The following TTC39A variants were observed in gnomAD, a reference collection of about 807,000 sequenced individuals.
TTC39A encodes tetratricopeptide repeat domain 39A.
A neutral mutation model predicts 82.3 loss-of-function variants in TTC39A; 46 were observed. That is an observed-to-expected ratio of 0.56 (90% CI 0.44 to 0.71). The LOEUF (loss-of-function observed/expected upper bound fraction) is 0.71. TTC39A is among the 30% of genes least tolerant of loss of function. The probability of loss-of-function intolerance (pLI) is 0.00; values close to 1 mark genes in which losing one functional copy is unlikely to be tolerated. For synonymous variants in TTC39A, 254 were observed against 275.2 expected (o/e 0.92, Z 0.76); for missense variants, 543 against 712.9 (o/e 0.76, Z 2.71).
intron 1 of TTC39A, among the ~76,000 whole-genome samples, chr1:51,327,380 G>T (rs914725424): frequency 6.6e-6 from 1 of 152,206 alleles, no homozygotes; most frequent in Non-Finnish European, 1.5e-5. Flanking sequence ...TTGCAAAAAT[G>T]ATTGTGACTC....
chr1:51,289,412 A>C (rs1391226285), intron 16 of TTC39A, among the ~76,000 whole-genome samples: 4 of 151,774 alleles, frequency 2.6e-5, no homozygotes, highest in African/African-American at 4.8e-5. Flanking sequence ...TTTTCTCTCT[A>C]TGACTTCACC....
rs750395924 is a variant in TTC39A at position 51,306,072 on chromosome 1, G to C, written c.493C>G (p.Leu165Val). 3.7e-6 allele frequency: 6 copies of C among 1,613,766 alleles called. No individual in the cohort carries two copies. The South Asian group carries it at 6.6e-5, about 18-fold the overall frequency. Reference sequence around the variant, plus strand: ...TGTGAGGACTGAACAAGGCTGTCCAGCTCCCTGCAGAGAGATGCCAAGTCC... The same window carrying C: ...TGTGAGGACTGAACAAGGCTGTCCACCTCCCTGCAGAGAGATGCCAAGTCC... The part of the protein sequence containing the change: ...VRNSYQTYKE[L>V]DSLVQSSQYC... Residue 165 changes from leucine to valine, a missense_variant, in exon 7 of 18, where the codon CTG (leucine) becomes GTG (valine). By Grantham distance (32) the Leu-to-Val change is conservative. Coordinates refer to ENST00000680483, the MANE Select transcript of TTC39A (RefSeq NM_001297663.2).
chr1:51,331,653 G>A, upstream of TTC39A: 9 of 985,314 alleles, frequency 9.1e-6, no homozygotes, highest in Non-Finnish European at 1.1e-5. Context: ...AGGCTGCCTG[G>A]AAAGGCAGTG....
chr1:51,303,243 G>C lies in TTC39A; in HGVS notation c.655-51C>G, dbSNP rs965975552. ...GCTCCCAGAGAGGGCAGGGGCCTGG[G>C]AGGCAGCTGGACAGCTGTGTGGGCA... On this transcript the variant is annotated intron_variant, in intron 8 of 17. Coordinates refer to ENST00000680483, the MANE Select transcript of TTC39A (RefSeq NM_001297663.2). The C allele has an allele frequency of 2.3e-5, 34 of 1,483,250 alleles. No homozygotes were observed. The South Asian group carries it at 4.0e-4, about 17-fold the overall frequency. The allele number at this position is 1,483,250 out of a possible 1,614,324, so 91.9% of individuals were successfully genotyped here. A position where few individuals can be genotyped will look rare whatever the true frequency, so the allele number is the denominator to read the frequency against.
intron 1 of TTC39A, among the ~76,000 whole-genome samples, chr1:51,344,167 G>A (rs1490828347): frequency 1.3e-5 from 2 of 152,204 alleles, no homozygotes; most frequent in Admixed American, 6.5e-5. Context: ...CGGGGACACC[G>A]GAGGAGGAAC....
At chr1:51,331,541 G>A, upstream of TTC39A, 1 of 985,434 alleles carries the variant, frequency 1.0e-6, no homozygotes, top group Non-Finnish European at 1.2e-6. Context: ...GGAAGCAGAA[G>A]GGGACAGCCT....
chr1:51,330,455 G>A lies in TTC39A; in HGVS notation c.23C>T (p.Pro8Leu). Residue 8 changes from proline to leucine, a missense_variant, in exon 1 of 18, where the codon CCA becomes CTA. By Grantham distance (98) the Pro-to-Leu change is moderately conservative. Transcript: ENST00000680483. This position sits in a 1 kb window ranked among gnomAD's most constrained non-coding sequence, Gnocchi z 4.5. The part of the protein sequence containing the change: MTSAGGA[P>L]GALPAGTPES... ...CACTTACCCCGCGGGCAGGGCTCCT[G>A]GGGCGCCGCCAGCCGAGGTCATCGC... 1 of 983,482 alleles carries A rather than the reference G, an allele frequency of 1.0e-6. No homozygotes were observed. Among genetic ancestry groups the A allele is most frequent in the Non-Finnish European group, 1.2e-6 (1 of 830,070 alleles). The allele number at this position is 983,482 out of a possible 1,614,324, so 60.9% of individuals were successfully genotyped here. A position where few individuals can be genotyped will look rare whatever the true frequency, so the allele number is the denominator to read the frequency against.
Position 51,330,410 on chromosome 1 carries a change from C to T in TTC39A, c.41+27G>A. 1.0e-6 allele frequency: 1 copy of T among 981,250 alleles called. No individual in the cohort carries two copies. 60.8% of individuals were successfully genotyped at this position (981,250 alleles called of 1,614,324 possible). On this transcript the variant is annotated intron_variant, in intron 1 of 17. Transcript: ENST00000680483. The surrounding 1 kb of genome is among the most constrained non-coding windows in gnomAD (Gnocchi z 4.5). Reference sequence around the variant, plus strand: ...GGGCCCCAGCCCGCGCCGCCCGCGCCCCCGGGCCTCCCAGCCGCGCACTTA... The same window carrying T: ...GGGCCCCAGCCCGCGCCGCCCGCGCTCCCGGGCCTCCCAGCCGCGCACTTA...
intron 2 of TTC39A, among the ~76,000 whole-genome samples, chr1:51,315,098 G>C (rs940320234): frequency 6.6e-6 from 1 of 152,002 alleles, no homozygotes; most frequent in East Asian, 1.9e-4. Flanking sequence ...TCTGAGGCCC[G>C]GGACTCAGCA....
Position 51,294,016 on chromosome 1 carries a change from T to TGA in TTC39A, c.1266+373_1266+374dup, listed in dbSNP as rs1222788064. ...TGTGAGTTCAGAGTTGAATATAACG[T>TGA]GAAAAGGTTGGCCGAGTGAGGGGGA... is the stretch of plus-strand genomic sequence containing the variant. On this transcript the variant is annotated intron_variant, in intron 14 of 17. Transcript: ENST00000680483. The surrounding 1 kb of genome is among the most constrained non-coding windows in gnomAD (Gnocchi z 4.3). Among the ~76,000 whole-genome samples the TGA allele has an allele frequency of 6.6e-6, 1 of 152,168 alleles. No homozygotes were observed. The highest frequency in any genetic ancestry group is 1.5e-5 in the Non-Finnish European group (1 of 68,036).
intron 12 of TTC39A, chr1:51,296,941 C>G (rs937890811): frequency 3.3e-5 from 5 of 152,682 alleles, no homozygotes; most frequent in African/African-American, 1.2e-4. Context: ...CACCACGCCC[C>G]TTCCTCAGAA....
chr1:51,331,595 G>A (rs887273751), upstream of TTC39A: 4 of 985,326 alleles, frequency 4.1e-6, no homozygotes, highest in Admixed American at 2.5e-4. Context: ...CCAGATCCCA[G>A]GGGAGCCAGG....
intron 6 of TTC39A, among the ~76,000 whole-genome samples, chr1:51,306,854 C>CA (rs1644886704): frequency 1.0e-3 from 3 of 2,998 alleles, no homozygotes; most frequent in Middle Eastern, 0.25. Flanking sequence ...AAGGGACAGA[C>CA]CCCCCCCCCC....
intron 13 of TTC39A, chr1:51,295,844 T>C: frequency 1.7e-6 from 1 of 589,550 alleles, no homozygotes; most frequent in Non-Finnish European, 3.0e-6. Flanking sequence ...CAAAACCATT[T>C]CTGTGAAAGA....
Position 51,303,091 on chromosome 1 carries a change from G to A in TTC39A, c.756C>T (p.Phe252=), listed in dbSNP as rs1409930283. 6.9e-6 allele frequency: 11 copies of A among 1,591,344 alleles called. No individual in the cohort carries two copies. In the Admixed American group the frequency reaches 8.8e-5, roughly 13 times the overall value. ...LLLCYHTFLT[F]VLGTGNVNIE... Reference sequence around the variant, plus strand: ...GTCCCCCTGTACACCTACCGAGCACGAAGGTGAGGAAGGTGTGGTAGCACA... The same window carrying A: ...GTCCCCCTGTACACCTACCGAGCACAAAGGTGAGGAAGGTGTGGTAGCACA... Residue 252 remains phenylalanine, a synonymous_variant, in exon 9 of 18, where the codon TTC becomes TTT. Coordinates refer to ENST00000680483, the MANE Select transcript of TTC39A (RefSeq NM_001297663.2).
In TTC39A at chr1:51,312,193, T is replaced by G; in HGVS notation, c.281A>C (p.His94Pro). The G allele has an allele frequency of 6.2e-7, 1 of 1,605,844 alleles. No homozygotes were observed. Among genetic ancestry groups the G allele is most frequent in the Non-Finnish European group, 8.5e-7 (1 of 1,176,274 alleles). ...MKEAQMLCQR[H>P]RRKSSVTDSF... is the part of the protein sequence containing the mutation. Reference sequence around the variant, plus strand: ...ATCTGTTACAGAAGACTTCCTCCGGTGCCTGAAGAGGAAAAAGAGGGGCCT... The same window carrying G: ...ATCTGTTACAGAAGACTTCCTCCGGGGCCTGAAGAGGAAAAAGAGGGGCCT... Residue 94 changes from histidine (H) to proline (P), a missense_variant and splice_region_variant, in exon 4 of 18, where the codon CAC becomes CCC. Transcript: ENST00000680483.
At chr1:51,328,166 A>T (rs980240925) in intron 1 of TTC39A, among the ~76,000 whole-genome samples, 1 of 152,180 alleles carries the variant, frequency 6.6e-6, no homozygotes, top group African/African-American at 2.4e-5. Context: ...TGGGCAACAA[A>T]GTGAGATCCT....
upstream of TTC39A, among the ~76,000 whole-genome samples, chr1:51,333,136 C>T (rs940279708): frequency 2.7e-5 from 4 of 149,600 alleles, no homozygotes; most frequent in Admixed American, 6.8e-5. Flanking sequence ...CGCTTGAACC[C>T]GGAAGGCGAA....
intron 1 of TTC39A, chr1:51,344,977 C>T: frequency 1.3e-6 from 2 of 1,525,954 alleles, no homozygotes; most frequent in Non-Finnish European, 1.8e-6. Context: ...CGAGTCCCCA[C>T]CCCTGCCCGG....
Sources: gnomAD v4.1 joint callset for allele counts (sites outside exome capture counted in the v4.1 genomes callset) on GRCh38, gnomAD v4.1.1 for gene constraint, Gnocchi (gnomAD v3.1) non-coding constraint, MANE v1.5 for transcripts, NCBI Gene and HGNC (gene_info 2026-07-23, HGNC 2026-07-21) for gene names.